The following PTPN4 variants were observed in gnomAD, a reference collection of about 807,000 sequenced individuals.
The protein encoded by PTPN4 is tyrosine-protein phosphatase non-receptor type 4.
A neutral mutation model predicts 135.5 loss-of-function variants in PTPN4; 49 were observed. The ratio of observed to expected loss-of-function variants is 0.36; its 90% CI spans 0.29 to 0.46. The LOEUF (loss-of-function observed/expected upper bound fraction) is 0.46. Among genes scored for constraint, PTPN4 ranks in the 20% least tolerant of loss-of-function variants. The pLI is 1.00. For synonymous variants in PTPN4, 333 were observed against 369.9 expected (o/e 0.90, Z 1.14); for missense variants, 860 against 1,101.0 (o/e 0.78, Z 3.10).
chr2:119,920,381 A>G (rs1315564021), intron 12 of PTPN4, 140 bp downstream of exon 12: 7 of 889,170 alleles, frequency 7.9e-6, no homozygotes, highest in Non-Finnish European at 1.0e-5. Flanking sequence ...TGCAGCCTCT[A>G]TATCAGTATC....
At chr2:119,794,344 G>C (rs1467070480) in intron 1 of PTPN4, among the ~76,000 whole-genome samples, 1 of 152,198 alleles carries the variant, frequency 6.6e-6, no homozygotes, top group Non-Finnish European at 1.5e-5. Context: ...TGGCATGGCA[G>C]GCTGTACTTG....
intron 14 of PTPN4, 86 bp downstream of exon 14, chr2:119,932,635 A>C: frequency 7.1e-7 from 1 of 1,400,272 alleles, no homozygotes; most frequent in South Asian, 1.4e-5. Context: ...CTGAAGACAA[A>C]GATACGCAAA....
chr2:119,886,978 C>A (rs1678169187), intron 9 of PTPN4, among the ~76,000 whole-genome samples: 1 of 145,480 alleles, frequency 6.9e-6, no homozygotes. Context: ...CTTCAGCTTT[C>A]TTTTTTTTTT....
At chr2:119,839,346 CAGA>C (rs1231852862) in intron 2 of PTPN4, among the ~76,000 whole-genome samples, 1 of 152,128 alleles carries the variant, frequency 6.6e-6, no homozygotes, top group Non-Finnish European at 1.5e-5. Context: ...CTTATACTCG[CAGA>C]AGATTTATAG....
rs146424577 is a variant in PTPN4, at chr2:119,783,674, C to T, written c.-18+23290C>T. Among the ~76,000 whole-genome samples, 17 of 152,282 alleles carry T rather than the reference C, an allele frequency of 1.1e-4. No individual in the cohort carries two copies. In the East Asian group the frequency reaches 1.9e-3, roughly 17 times the overall value. ...AGTACTACTCTATTACTTTTGCCTG[C>T]GTAACCGTAGGCAAGCCACTTAATC... On this transcript the variant is annotated intron_variant, in intron 1 of 26. Transcript: ENST00000263708.
intron 1 of PTPN4, among the ~76,000 whole-genome samples, chr2:119,781,849 G>A (rs1982670): frequency 0.99 from 150,679 of 152,298 alleles, 74,562 homozygotes; most frequent in Middle Eastern, 1. Flanking sequence ...TGTAAAGCCT[G>A]AAATATTTTC....
chr2:119,851,479 C>T (rs1677590472), intron 2 of PTPN4, among the ~76,000 whole-genome samples: 2 of 152,214 alleles, frequency 1.3e-5, no homozygotes, highest in African/African-American at 4.8e-5. Flanking sequence ...CTTCTGGCAT[C>T]TTGGAACCCT....
intron 1 of PTPN4, among the ~76,000 whole-genome samples, chr2:119,765,130 A>G (rs1300463385): frequency 2.6e-5 from 4 of 152,240 alleles, no homozygotes; most frequent in Admixed American, 6.5e-5. Flanking sequence ...TGTGGGGATT[A>G]AGATACTATA....
chr2:119,773,431 C>CT (rs1157232813), intron 1 of PTPN4, among the ~76,000 whole-genome samples: 1 of 151,886 alleles, frequency 6.6e-6, no homozygotes, highest in East Asian at 1.9e-4. Flanking sequence ...AATATCAAGA[C>CT]TTTTTTTCAA....
chr2:119,927,041 AGTT>A (rs1258287364), intron 13 of PTPN4, among the ~76,000 whole-genome samples: 2 of 151,366 alleles, frequency 1.3e-5, no homozygotes, highest in African/African-American at 2.4e-5. Flanking sequence ...TTAAGAGATA[AGTT>A]GTTTTATTTT....
chr2:119,767,239 A>T (rs1690644686), intron 1 of PTPN4, among the ~76,000 whole-genome samples: 1 of 152,118 alleles, frequency 6.6e-6, no homozygotes, highest in Admixed American at 6.5e-5. Context: ...TTGGATCCTC[A>T]AATTTCAGTG....
At chr2:119,945,610 TTAA>T (rs1679121661) in intron 16 of PTPN4, among the ~76,000 whole-genome samples, 3 of 19,054 alleles carry the variant, frequency 1.6e-4, no homozygotes, top group East Asian at 6.2e-3. Flanking sequence ...ATAATAAAAA[TTAA>T]AAATAAAAAT....
intron 15 of PTPN4, among the ~76,000 whole-genome samples, chr2:119,938,208 A>C (rs979621491): frequency 6.7e-6 from 1 of 150,324 alleles, no homozygotes; most frequent in African/African-American, 2.5e-5. Flanking sequence ...GCTCACTGCA[A>C]GCTCTACCTC....
At chr2:119,773,132 ATTC>A (rs1464282742) in intron 1 of PTPN4, among the ~76,000 whole-genome samples, 6 of 152,154 alleles carry the variant, frequency 3.9e-5, no homozygotes, top group South Asian at 2.1e-4. Flanking sequence ...CATTTCTTAT[ATTC>A]TTCAAATTTT....
chr2:119,916,702 T>C (rs1678659044), intron 11 of PTPN4: 1 of 152,208 alleles, frequency 6.6e-6, no homozygotes, highest in Non-Finnish European at 1.5e-5. Context: ...TAAACATTAC[T>C]CTCATTTGTA....
At chr2:119,816,795 G>T (rs1471856458) in intron 2 of PTPN4, among the ~76,000 whole-genome samples, 1 of 152,182 alleles carries the variant, frequency 6.6e-6, no homozygotes, top group African/African-American at 2.4e-5. Flanking sequence ...ATGGAAGCAG[G>T]CTTTTCAGTG....
At position 119,984,017 on chromosome 2, in the gene PTPN4, GA is replaced by G. The variant is rs1452940713; in HGVS notation, c.*6948del. Among the ~76,000 whole-genome samples, 2 of 152,154 alleles carry G rather than the reference GA, an allele frequency of 1.3e-5. No individual in the cohort carries two copies. Among genetic ancestry groups the G allele is most frequent in the African/African-American group, 4.8e-5 (2 of 41,430 alleles). On this transcript the variant is annotated 3_prime_UTR_variant, in exon 27 of 27. Transcript: ENST00000263708. ...ATACATGTTGAGGGGCACGATTTAA[GA>G]GACTGAAACAGTTTACATTAAACTG...
rs937444460 is a variant in PTPN4, at chr2:119,957,781, G to C, written c.2133+704G>C. Among the ~76,000 whole-genome samples the C allele has an allele frequency of 1.1e-4, 16 of 152,102 alleles. No individual in the cohort carries two copies. The East Asian group carries it at 3.1e-3, about 29-fold the overall frequency. ...GACAAACTTGGTTTCACCTTTACCA[G>C]GTTCTTTTGAAGCAGATCTTTATAT... On this transcript the variant is annotated intron_variant, in intron 22 of 26. Coordinates refer to ENST00000263708, the MANE Select transcript of PTPN4 (RefSeq NM_002830.4).
chr2:119,877,652 G>C, intron 5 of PTPN4, 110 bp downstream of exon 5: 1 of 1,340,316 alleles, frequency 7.5e-7, no homozygotes, highest in Non-Finnish European at 1.0e-6. Flanking sequence ...GAGCTTTCCA[G>C]TCAGTACACA....
Sources: allele counts gnomAD v4.1 joint callset (sites outside exome capture counted in the v4.1 genomes callset), GRCh38; gene constraint gnomAD v4.1.1; transcripts MANE v1.5; gene names NCBI Gene and HGNC (gene_info 2026-07-23, HGNC 2026-07-21).